VDAC1: variants seen among roughly 807,000 people sequenced by gnomAD.
The protein encoded by VDAC1 is non-selective voltage-gated ion channel VDAC1.
VDAC1 carries 10 observed loss-of-function variants against 34.7 expected under a neutral mutation model. The ratio of observed to expected loss-of-function variants is 0.29; its 90% CI spans 0.18 to 0.49. VDAC1 has a LOEUF of 0.49. Ranked by LOEUF, VDAC1 falls within the 20% of genes least tolerant of loss-of-function variation. VDAC1 has a pLI of 0.99. For synonymous variants in VDAC1, 130 were observed against 136.0 expected, an observed-to-expected ratio of 0.96 and a Z score of 0.30; for missense variants, 230 against 347.9, an observed-to-expected ratio of 0.66 and a Z score of 2.69.
the VDAC1 span, among the ~76,000 whole-genome samples, chr5:134,019,881 C>A: frequency 1.3e-5 from 2 of 152,228 alleles, no homozygotes; most frequent in Non-Finnish European, 2.9e-5. Flanking sequence ...TGCTTCCTCA[C>A]TGGCCCCACA....
chr5:134,096,191 T>C, the VDAC1 span, among the ~76,000 whole-genome samples: 1 of 152,178 alleles, frequency 6.6e-6, no homozygotes, highest in Non-Finnish European at 1.5e-5. Flanking sequence ...GGTTCCCTCC[T>C]AGGGGCTTCC....
chr5:133,975,996 A>T lies in VDAC1; in HGVS notation c.577T>A (p.Ser193Thr). 1 of 1,613,986 alleles carries T rather than the reference A, an allele frequency of 6.2e-7. No homozygotes were observed. Among genetic ancestry groups the T allele is most frequent in the African/African-American group, 1.3e-5 (1 of 75,002 alleles). ...TTCTTGTTCACTTTCTGGTAAATGG[A>T]GCCGCCAAACTCTGTCCCGTCATTC... is the stretch of plus-strand genomic sequence containing the variant. ...NVNDGTEFGG[S>T]IYQKVNKKLE... The change falls in exon 7 of 9, where the codon TCC becomes ACC. Residue 193 changes from serine to threonine, a missense_variant. By Grantham distance (58) the Ser-to-Thr change is moderately conservative. Coordinates refer to ENST00000265333, the MANE Select transcript of VDAC1 (RefSeq NM_003374.3).
At chr5:134,027,656 C>T in the VDAC1 span, among the ~76,000 whole-genome samples, 1 of 152,118 alleles carries the variant, frequency 6.6e-6, no homozygotes, top group African/African-American at 2.4e-5. Flanking sequence ...ACAACACAAC[C>T]AACACTAACT....
intron 1 of VDAC1, among the ~76,000 whole-genome samples, chr5:133,997,528 T>A: frequency 6.9e-6 from 1 of 145,788 alleles, no homozygotes. Flanking sequence ...CAAAACCCCG[T>A]CTCTACTAAA....
chr5:134,064,995 T>C, the VDAC1 span, among the ~76,000 whole-genome samples: 1 of 152,072 alleles, frequency 6.6e-6, no homozygotes, highest in African/African-American at 2.4e-5. Context: ...GCTGGGATTA[T>C]AGGCATGAGC....
chr5:133,989,134 GCTA>G (rs1753007678), intron 5 of VDAC1: 1 of 152,202 alleles, frequency 6.6e-6, no homozygotes, highest in Non-Finnish European at 1.5e-5. Flanking sequence ...CTATAGCCAA[GCTA>G]TAAGACGACA....
the VDAC1 span, among the ~76,000 whole-genome samples, chr5:134,023,585 CG>C: frequency 6.6e-6 from 1 of 151,890 alleles, no homozygotes; most frequent in Admixed American, 6.6e-5. Flanking sequence ...AAACGTTCTT[CG>C]GAACATTCAT....
chr5:134,008,193 A>T (rs995343448), upstream of VDAC1, among the ~76,000 whole-genome samples: 1 of 148,398 alleles, frequency 6.7e-6, no homozygotes, highest in Non-Finnish European at 1.5e-5. Context: ...CAATGAGACC[A>T]GATGAGAATT....
chr5:134,031,111 G>T, the VDAC1 span, among the ~76,000 whole-genome samples: 1 of 152,122 alleles, frequency 6.6e-6, no homozygotes, highest in African/African-American at 2.4e-5. Context: ...ATGACCACCT[G>T]GTGTGGGGAT....
At chr5:134,105,607 A>C in the VDAC1 span, among the ~76,000 whole-genome samples, 2 of 152,272 alleles carry the variant, frequency 1.3e-5, no homozygotes, top group African/African-American at 2.4e-5. Context: ...CAGGGGACCC[A>C]GTCATGAGCA....
chr5:134,098,643 T>A, the VDAC1 span, among the ~76,000 whole-genome samples: 1 of 152,204 alleles, frequency 6.6e-6, no homozygotes, highest in Admixed American at 6.5e-5. Context: ...CTTTATAACA[T>A]GAAGACCCTT....
the VDAC1 span, among the ~76,000 whole-genome samples, chr5:134,045,289 C>T: frequency 6.6e-6 from 1 of 152,244 alleles, no homozygotes; most frequent in Non-Finnish European, 1.5e-5. Context: ...ACAGAGAGGA[C>T]AGCTGAAGTC....
At chr5:134,072,746 T>C in the VDAC1 span, among the ~76,000 whole-genome samples, 1 of 152,186 alleles carries the variant, frequency 6.6e-6, no homozygotes, top group African/African-American at 2.4e-5. Flanking sequence ...TCCAGGTTCC[T>C]CCTACCTCTG....
At chr5:134,017,532 G>A in the VDAC1 span, among the ~76,000 whole-genome samples, 2 of 152,272 alleles carry the variant, frequency 1.3e-5, no homozygotes, top group Non-Finnish European at 2.9e-5. Flanking sequence ...GACCAGCTCT[G>A]CTTTGTCCAT....
rs1753082152 is a variant in VDAC1, at chr5:133,991,016, T to C, written c.256A>G (p.Thr86Ala). 6.2e-7 allele frequency: 1 copy of C among 1,614,218 alleles called. No homozygotes were observed. The highest frequency in any genetic ancestry group is 8.5e-7 in the Non-Finnish European group (1 of 1,180,016). Residue 86 changes from threonine (T) to alanine (A), a missense_variant, in exon 4 of 9, where the codon ACT becomes GCT. Thr to Ala is a moderately conservative substitution (Grantham distance 58). Coordinates refer to ENST00000265333, the MANE Select transcript of VDAC1 (RefSeq NM_003374.3). Reference protein sequence around the residue: ...NTDNTLGTEITVEDQLARGLK... With the variant: ...NTDNTLGTEIAVEDQLARGLK... ...GCAGCCATTACCTGATCTTCCACAG[T>C]AATCTCGGTGCCTAGTGTATTGTCG...
chr5:134,052,271 C>G, the VDAC1 span, among the ~76,000 whole-genome samples: 1 of 152,136 alleles, frequency 6.6e-6, no homozygotes, highest in Admixed American at 6.5e-5. Context: ...AAACCTGGTA[C>G]AAAACGCAGG....
chr5:133,985,635 CAG>C (rs1264204210), intron 5 of VDAC1, among the ~76,000 whole-genome samples: 1 of 152,144 alleles, frequency 6.6e-6, no homozygotes, highest in Admixed American at 6.5e-5. Context: ...GCCTGAGCGA[CAG>C]AGCAAGATGT....
the VDAC1 span, among the ~76,000 whole-genome samples, chr5:134,046,369 T>A: frequency 6.6e-6 from 1 of 151,462 alleles, no homozygotes; most frequent in Non-Finnish European, 1.5e-5. Flanking sequence ...CGGGGTCTCC[T>A]TATGTTGCCC....
At chr5:134,025,325 C>T in the VDAC1 span, among the ~76,000 whole-genome samples, 7 of 152,082 alleles carry the variant, frequency 4.6e-5, no homozygotes, top group African/African-American at 1.7e-4. Context: ...AACTCTTTAC[C>T]ATAGGGAGGG....
Sources: gnomAD v4.1 joint callset for allele counts (sites outside exome capture counted in the v4.1 genomes callset) on GRCh38, gnomAD v4.1.1 for gene constraint, MANE v1.5 for transcripts, NCBI Gene and HGNC (gene_info 2026-07-23, HGNC 2026-07-21) for gene names.